Variants in HMGN5 observed in about 807,000 individuals in gnomAD.
The protein encoded by HMGN5 is high mobility group nucleosome-binding domain-containing protein 5.
HMGN5 carries 4 observed loss-of-function variants against 9.5 expected under a neutral mutation model. The ratio of observed to expected loss-of-function variants is 0.42; its 90% confidence interval spans 0.21 to 0.96. HMGN5 has a LOEUF of 0.96. Among genes scored for constraint, HMGN5 ranks in the 40% least tolerant of loss-of-function variants. The pLI is 0.30. For missense variants in HMGN5, 192 were observed against 187.5 expected (o/e 1.02, Z -0.14); for synonymous variants, 55 against 57.1 (o/e 0.96, Z 0.16).
chrX:81,167,675 C>G (rs2075414802), intron 1 of HMGN5, among the ~76,000 whole-genome samples: 1 of 111,910 alleles, frequency 8.9e-6, no homozygotes, highest in South Asian at 3.7e-4. Context: ...TAAGATTTTA[C>G]TTTAAGAATG....
chrX:81,191,915 G>A (rs868157869), intron 1 of HMGN5, among the ~76,000 whole-genome samples: 5 of 111,529 alleles, frequency 4.5e-5, no homozygotes, highest in Non-Finnish European at 9.4e-5. Flanking sequence ...TTTGTTGCTA[G>A]GGGGTACCGT....
chrX:81,171,785 T>G (rs2075426467), intron 1 of HMGN5, among the ~76,000 whole-genome samples: 2 of 111,475 alleles, frequency 1.8e-5, no homozygotes, highest in Admixed American at 1.9e-4. Flanking sequence ...ACTCCAACCC[T>G]TGATCACTAC....
At chrX:81,180,252 CAG>C (rs1231339152) in intron 1 of HMGN5, among the ~76,000 whole-genome samples, 1 of 111,522 alleles carries the variant, frequency 9.0e-6, no homozygotes, top group Non-Finnish European at 1.9e-5. Context: ...AAACTACCAT[CAG>C]AGTGAACAGG....
intron 1 of HMGN5, among the ~76,000 whole-genome samples, chrX:81,186,183 T>C (rs2075476909): frequency 9.0e-6 from 1 of 111,687 alleles, no homozygotes; most frequent in Non-Finnish European, 1.9e-5. Context: ...TGTGAGTAGG[T>C]TGGTATTAAT....
intron 1 of HMGN5, among the ~76,000 whole-genome samples, chrX:81,162,169 A>G (rs1383073868): frequency 9.0e-6 from 1 of 110,927 alleles, no homozygotes; most frequent in East Asian, 2.8e-4. Context: ...ATACCACAGC[A>G]GCCTCACAGG....
chrX:81,131,008 A>G (rs894053090), intron 1 of HMGN5, among the ~76,000 whole-genome samples: 6 of 111,713 alleles, frequency 5.4e-5, no homozygotes, highest in South Asian at 3.7e-4. Context: ...AAGACAAACA[A>G]GAGAGATGGA....
At chrX:81,155,332 A>G (rs973645876) in intron 1 of HMGN5, among the ~76,000 whole-genome samples, 4 of 106,926 alleles carry the variant, frequency 3.7e-5, no homozygotes, top group Non-Finnish European at 3.9e-5. Context: ...TCTGGCAAGA[A>G]TGTGGAGAAA....
chrX:81,194,163 A>G (rs1427836139), intron 1 of HMGN5, among the ~76,000 whole-genome samples: 1 of 112,010 alleles, frequency 8.9e-6, no homozygotes, highest in Non-Finnish European at 1.9e-5. Flanking sequence ...CTTACACACA[A>G]ATCAATTCCA....
chrX:81,160,389 T>C (rs2075395091), intron 1 of HMGN5, among the ~76,000 whole-genome samples: 2 of 111,174 alleles, frequency 1.8e-5, no homozygotes, highest in South Asian at 7.5e-4. Flanking sequence ...TATTTTACTT[T>C]CAGTTCCAGG....
intron 1 of HMGN5, among the ~76,000 whole-genome samples, chrX:81,141,598 T>C (rs1284794706): frequency 9.0e-6 from 1 of 111,613 alleles, no homozygotes; most frequent in African/African-American, 3.3e-5. Flanking sequence ...CCCAAGGTCA[T>C]CAAGGAGGTA....
At chrX:81,167,594 G>T (rs2075414585) in intron 1 of HMGN5, among the ~76,000 whole-genome samples, 1 of 110,910 alleles carries the variant, frequency 9.0e-6, no homozygotes, top group Admixed American at 9.6e-5. Flanking sequence ...TACTGTTTTT[G>T]ACCAACTGAA....
At chrX:81,144,821 G>GA (rs1386626509) in intron 1 of HMGN5, among the ~76,000 whole-genome samples, 1 of 111,772 alleles carries the variant, frequency 8.9e-6, no homozygotes, top group Non-Finnish European at 1.9e-5. Flanking sequence ...TGATGGAGCT[G>GA]AAAAACATAG....
chrX:81,195,210 C>G (rs1056445280), intron 1 of HMGN5: 1 of 111,944 alleles, frequency 8.9e-6, no homozygotes, highest in Non-Finnish European at 1.9e-5. Flanking sequence ...ATAGGGAAGC[C>G]GACAGTGCAG....
chrX:81,167,024 T>C (rs1437833475), intron 1 of HMGN5, among the ~76,000 whole-genome samples: 1 of 111,224 alleles, frequency 9.0e-6, no homozygotes, highest in Non-Finnish European at 1.9e-5. Flanking sequence ...CATAAGTGGG[T>C]GGTGATGTTC....
intron 1 of HMGN5, among the ~76,000 whole-genome samples, chrX:81,148,519 A>T (rs965863213): frequency 2.7e-5 from 3 of 112,299 alleles, no homozygotes; most frequent in African/African-American, 9.7e-5. Context: ...ACCTAAAACC[A>T]TAAAAACCCT....
intron 1 of HMGN5, chrX:81,194,992 T>C (rs2075503928): frequency 8.9e-6 from 1 of 111,917 alleles, no homozygotes. Flanking sequence ...AACCACTCTA[T>C]GGAGTTATTA....
chrX:81,126,508 GGTGAAT>G (rs1269441511), intron 1 of HMGN5, among the ~76,000 whole-genome samples: 1 of 111,523 alleles, frequency 9.0e-6, no homozygotes, highest in African/African-American at 3.3e-5. Context: ...AAGTAAGTCT[GGTGAAT>G]GTGAGTTTTT....
chrX:81,123,655 T>C (rs1431042842), intron 1 of HMGN5, among the ~76,000 whole-genome samples: 1 of 112,508 alleles, frequency 8.9e-6, no homozygotes, highest in East Asian at 2.8e-4. Flanking sequence ...ATTTTGTTTT[T>C]GTAGACTAGC....
chrX:81,194,890 C>T (rs1035070039), intron 1 of HMGN5, among the ~76,000 whole-genome samples: 5 of 111,776 alleles, frequency 4.5e-5, no homozygotes, highest in Non-Finnish European at 9.4e-5. Context: ...AAATAATGTT[C>T]TAATGTTTTA....
Sources: allele counts gnomAD v4.1 joint callset (sites outside exome capture counted in the v4.1 genomes callset), GRCh38; gene constraint gnomAD v4.1.1; transcripts MANE v1.5; gene names NCBI Gene and HGNC (gene_info 2026-07-23, HGNC 2026-07-21).